The following MEST variants were observed in gnomAD, a reference collection of about 807,000 sequenced individuals.
MEST encodes the protein mesoderm specific transcript, also known as mesoderm-specific transcript homolog protein.
A neutral mutation model predicts 50.9 loss-of-function variants in MEST; 18 were observed. The ratio of observed to expected loss-of-function variants is 0.35; its 90% confidence interval spans 0.24 to 0.52. The LOEUF (loss-of-function observed/expected upper bound fraction) is 0.52, where lower values mean the gene tolerates loss of function less well. Ranked by LOEUF, MEST falls within the 20% of genes least tolerant of loss-of-function variation. The pLI, the probability that MEST is intolerant of heterozygous loss-of-function variation, is 0.94. For synonymous variants in MEST, 130 were observed against 154.1 expected (o/e 0.84, Z 1.16); for missense variants, 282 against 425.3 (o/e 0.66, Z 2.96).
In MEST at chr7:130,505,694, G is replaced by A. The variant is rs1799452181; in HGVS notation, c.*638G>A. 6.6e-6 allele frequency: 1 copy of A among 152,144 alleles called. No individual in the cohort carries two copies. The highest frequency in any genetic ancestry group is 1.5e-5 in the Non-Finnish European group (1 of 68,028). The allele number at this position is 152,144 out of a possible 1,614,324, so 9.4% of individuals were successfully genotyped here. A position where few individuals can be genotyped will look rare whatever the true frequency, so the allele number is the denominator to read the frequency against. On this transcript the variant is annotated 3_prime_UTR_variant, in exon 12 of 12. Coordinates refer to ENST00000223215, the MANE Select transcript of MEST (RefSeq NM_002402.4). ...CTATACATTATATATATTTTATAAA[G>A]ATACTAAACCAGCATACCCTTACTC...
chr7:130,486,337 C>G (rs1798617975), exon 1 of MEST: 1 of 152,286 alleles, frequency 6.6e-6, no homozygotes, highest in Non-Finnish European at 1.5e-5. Context: ...TCAGGAAGCG[C>G]ATGCGCAACC....
chr7:130,497,894 G>A lies in MEST; in HGVS notation c.262-42G>A, dbSNP rs782769307. 1.3e-6 allele frequency: 2 copies of A among 1,581,102 alleles called. No individual in the cohort carries two copies. Among genetic ancestry groups the A allele is most frequent in the Non-Finnish European group, 1.7e-6 (2 of 1,150,078 alleles). ...CAACTGTAGGTCTGGTGAAAGGGAG[G>A]GGCAGGAGCAGAAAGCCCAAATCAT... On this transcript the variant is annotated intron_variant, in intron 3 of 11. Coordinates refer to ENST00000223215, the MANE Select transcript of MEST (RefSeq NM_002402.4). This position sits in a 1 kb window ranked among gnomAD's most constrained non-coding sequence, Gnocchi z 4.0.
In MEST at chr7:130,500,686, G is replaced by T; in HGVS notation, c.648-103G>T. On this transcript the variant is annotated intron_variant, in intron 8 of 11. Transcript: ENST00000223215. The surrounding 1 kb of genome is among the most constrained non-coding windows in gnomAD (Gnocchi z 5.0). ...GAAGGAATTCATAAATCACTTATGG[G>T]TCAGACTGCATGGCCCAGACTGCAT... is the stretch of plus-strand genomic sequence containing the variant. 1 of 1,200,648 alleles carries T rather than the reference G, an allele frequency of 8.3e-7. No individual in the cohort carries two copies. The highest frequency in any genetic ancestry group is 1.2e-6 in the Non-Finnish European group (1 of 841,408). 74.4% of individuals were successfully genotyped at this position (1,200,648 alleles called of 1,614,324 possible).
intron 1 of MEST, 79 bp from the exon 2 acceptor site, chr7:130,495,289 C>A: frequency 7.0e-7 from 1 of 1,425,094 alleles, no homozygotes; most frequent in Non-Finnish European, 9.5e-7. Flanking sequence ...TCTCCCACCC[C>A]ATCTTACCAG....
At position 130,500,674 on chromosome 7, in the gene MEST, A is replaced by T. The variant is rs1799242917; in HGVS notation, c.648-115A>T. The T allele has an allele frequency of 8.4e-7, 1 of 1,195,642 alleles. No homozygotes were observed. The highest frequency in any genetic ancestry group is 1.5e-5 in the African/African-American group (1 of 66,302). 74.1% of individuals were successfully genotyped at this position (1,195,642 alleles called of 1,614,324 possible). A position where few individuals can be genotyped will look rare whatever the true frequency, so the allele number is the denominator to read the frequency against. Reference sequence around the variant, plus strand: ...GCCAGGGAAGTAGAAGGAATTCATAAATCACTTATGGGTCAGACTGCATGG... The same window carrying T: ...GCCAGGGAAGTAGAAGGAATTCATATATCACTTATGGGTCAGACTGCATGG... On this transcript the variant is annotated intron_variant, in intron 8 of 11. Coordinates refer to ENST00000223215, the MANE Select transcript of MEST (RefSeq NM_002402.4). The surrounding 1 kb of genome is among the most constrained non-coding windows in gnomAD (Gnocchi z 5.0).
At position 130,499,890 on chromosome 7, in the gene MEST, C is replaced by G. The variant is rs1554438113; in HGVS notation, c.551C>G (p.Thr184Ser). 3.1e-6 allele frequency: 5 copies of G among 1,612,160 alleles called. No individual in the cohort carries two copies. The Admixed American group carries it at 8.4e-5, about 27-fold the overall frequency. ...CLSNGGIFPETHRPLLLQKLL... is the reference protein window; with the variant it reads ...CLSNGGIFPESHRPLLLQKLL... The stretch of plus-strand genomic sequence containing the variant: ...TCTTCTACAGGTATCTTTCCTGAGA[C>G]TCACCGTCCACTCCTTCTCCAAAAG... Residue 184 changes from threonine (T) to serine (S), a missense_variant, in exon 7 of 12, where the codon ACT (threonine) becomes AGT (serine). By Grantham distance (58) the Thr-to-Ser change is moderately conservative. Transcript: ENST00000223215.
chr7:130,498,096 C>T (rs782460866), intron 4 of MEST, 43 bp from the exon 5 acceptor site: 5 of 1,614,070 alleles, frequency 3.1e-6, no homozygotes, highest in East Asian at 2.2e-5. Context: ...AGAGAGCTGT[C>T]CTCATGACTT....
chr7:130,492,866 A>T lies in MEST; in HGVS notation c.26+527A>T, dbSNP rs1187652707. ...CCGTGGCGCGATTTAGGATTTATAG[A>T]TCCCGGCAAAGCCCTGGTGCGATGT... is the stretch of plus-strand genomic sequence containing the variant. On this transcript the variant is annotated intron_variant, in intron 1 of 11. Transcript: ENST00000223215. The surrounding 1 kb of genome is among the most constrained non-coding windows in gnomAD (Gnocchi z 7.6). 6.6e-6 allele frequency among the ~76,000 whole-genome samples: 1 copy of T among 151,538 alleles called. No homozygotes were observed. Among genetic ancestry groups the T allele is most frequent in the Non-Finnish European group, 1.5e-5 (1 of 67,934 alleles).
chr7:130,497,792 G>A lies in MEST; in HGVS notation c.262-144G>A, dbSNP rs1554437420. 6 of 726,136 alleles carry A rather than the reference G, an allele frequency of 8.3e-6. No individual in the cohort carries two copies. The highest frequency in any genetic ancestry group is 2.5e-6 in the Non-Finnish European group (1 of 407,068). 45.0% of individuals were successfully genotyped at this position (726,136 alleles called of 1,614,324 possible). A position where few individuals can be genotyped will look rare whatever the true frequency, so the allele number is the denominator to read the frequency against. ...AAAGCATTTTCCAAGAGGATCATCT[G>A]TGGGACCTGTGGTAGTTTCATGGCG... On this transcript the variant is annotated intron_variant, in intron 3 of 11. Coordinates refer to ENST00000223215, the MANE Select transcript of MEST (RefSeq NM_002402.4). The surrounding 1 kb of genome is among the most constrained non-coding windows in gnomAD (Gnocchi z 4.0).
intron 6 of MEST, 71 bp downstream of exon 6, chr7:130,498,548 A>G: frequency 2.2e-6 from 3 of 1,334,762 alleles, no homozygotes; most frequent in South Asian, 1.2e-5. Context: ...AGCGGCACCT[A>G]AATGGTAATC....
chr7:130,497,244 G>C lies in MEST; in HGVS notation c.261+9G>C. On this transcript the variant is annotated intron_variant, in intron 3 of 11. Transcript: ENST00000223215. The surrounding 1 kb of genome is among the most constrained non-coding windows in gnomAD (Gnocchi z 4.0). ...GCTACGACTGGTACAAGGTAATGAAGTCAGACTTCTACGTCCTACTATGTC... is the reference window on the plus strand; with the variant it reads ...GCTACGACTGGTACAAGGTAATGAACTCAGACTTCTACGTCCTACTATGTC... 6.2e-7 allele frequency: 1 copy of C among 1,608,788 alleles called. No individual in the cohort carries two copies. The highest frequency in any genetic ancestry group is 1.3e-5 in the African/African-American group (1 of 74,690).
intron 9 of MEST, among the ~76,000 whole-genome samples, chr7:130,502,431 T>C (rs529188032): frequency 1.2e-4 from 18 of 152,198 alleles, no homozygotes; most frequent in Admixed American, 4.6e-4. Flanking sequence ...AATTCTTATA[T>C]TGATAGTAGG....
intron 6 of MEST, among the ~76,000 whole-genome samples, chr7:130,499,258 A>G (rs2116277374): frequency 6.6e-6 from 1 of 152,332 alleles, no homozygotes; most frequent in African/African-American, 2.4e-5. Flanking sequence ...ACGCCTTAAG[A>G]GCAGACTGGG....
intron 10 of MEST, among the ~76,000 whole-genome samples, chr7:130,503,732 C>G (rs1427069295): frequency 1.2e-4 from 18 of 152,156 alleles, no homozygotes; most frequent in African/African-American, 4.1e-4. Flanking sequence ...GGGAGGATCG[C>G]TTGGGCCAAC....
rs564198359 is a variant in MEST, at chr7:130,500,942, T to C, written c.749+52T>C. On this transcript the variant is annotated intron_variant, in intron 9 of 11. Transcript: ENST00000223215. This position sits in a 1 kb window ranked among gnomAD's most constrained non-coding sequence, Gnocchi z 5.0. ...TCCAGAGACGTGTTTTTGTGGAGAG[T>C]GGGGATTGCTTGTTCTGTTCCTTGC... The C allele has an allele frequency of 1.1e-5, 17 of 1,481,624 alleles. No homozygotes were observed. The highest frequency in any genetic ancestry group is 1.6e-5 in the Non-Finnish European group (17 of 1,070,564). The allele number at this position is 1,481,624 out of a possible 1,614,324, so 91.8% of individuals were successfully genotyped here.
chr7:130,500,765 T>C lies in MEST; in HGVS notation c.648-24T>C. 1 of 1,586,998 alleles carries C rather than the reference T, an allele frequency of 6.3e-7. No homozygotes were observed. The highest frequency in any genetic ancestry group is 8.6e-7 in the Non-Finnish European group (1 of 1,164,034). On this transcript the variant is annotated intron_variant, in intron 8 of 11. Coordinates refer to ENST00000223215, the MANE Select transcript of MEST (RefSeq NM_002402.4). The surrounding 1 kb of genome is among the most constrained non-coding windows in gnomAD (Gnocchi z 5.0). ...ATTCTGAGTTCTCCTCACACTTATCTTCCTGCGTTTTGGACTCTTTCAGTC... is the reference window on the plus strand; with the variant it reads ...ATTCTGAGTTCTCCTCACACTTATCCTCCTGCGTTTTGGACTCTTTCAGTC...
chr7:130,494,262 A>C (rs1654735132), intron 1 of MEST, among the ~76,000 whole-genome samples: 1 of 152,232 alleles, frequency 6.6e-6, no homozygotes, highest in South Asian at 2.1e-4. Context: ...CATTTCCCCC[A>C]GGGCTTTAGC....
Position 130,500,137 on chromosome 7 carries a change from A to G in MEST, c.576+222A>G, listed in dbSNP as rs1799220514. Reference sequence around the variant, plus strand: ...AATCCTAAGAATAAGAGATCAACAAATATTTGGAGAAATTACAGCTATGGA... The same window carrying G: ...AATCCTAAGAATAAGAGATCAACAAGTATTTGGAGAAATTACAGCTATGGA... On this transcript the variant is annotated intron_variant, in intron 7 of 11. Coordinates refer to ENST00000223215, the MANE Select transcript of MEST (RefSeq NM_002402.4). The surrounding 1 kb of genome is among the most constrained non-coding windows in gnomAD (Gnocchi z 5.0). The G allele has an allele frequency of 1.8e-6, 1 of 547,770 alleles. No individual in the cohort carries two copies. Among genetic ancestry groups the G allele is most frequent in the Non-Finnish European group, 3.2e-6 (1 of 314,188 alleles). 33.9% of individuals were successfully genotyped at this position (547,770 alleles called of 1,614,324 possible).
chr7:130,494,891 G>A, intron 1 of MEST: 2 of 957,584 alleles, frequency 2.1e-6, no homozygotes, highest in Non-Finnish European at 2.5e-6. Context: ...ATGAGATATA[G>A]CACATATATA....
Sources: gnomAD v4.1 joint callset for allele counts (sites outside exome capture counted in the v4.1 genomes callset) on GRCh38, gnomAD v4.1.1 for gene constraint, Gnocchi (gnomAD v3.1) non-coding constraint, MANE v1.5 for transcripts, NCBI Gene and HGNC (gene_info 2026-07-23, HGNC 2026-07-21) for gene names.